Variants in RNF169 observed in about 807,000 individuals in gnomAD.
RNF169 encodes ring finger protein 169.
Under a neutral mutation model 53.9 loss-of-function variants are expected in RNF169, and 24 were observed. The observed-to-expected ratio is 0.45, with a 90% CI of 0.32 to 0.63. The LOEUF is 0.63. Ranked by LOEUF, RNF169 falls within the 20% of genes least tolerant of loss-of-function variation. The pLI, the probability that RNF169 is intolerant of heterozygous loss-of-function variation, is 0.04. For synonymous variants in RNF169, 396 were observed against 363.5 expected, an observed-to-expected ratio of 1.09 and a Z score of -1.02; for missense variants, 883 against 906.2, an observed-to-expected ratio of 0.97 and a Z score of 0.33.
intron 4 of RNF169, among the ~76,000 whole-genome samples, chr11:74,833,570 T>G (rs1287850425): frequency 1.3e-5 from 2 of 152,222 alleles, no homozygotes; most frequent in African/African-American, 4.8e-5. Context: ...TGTTGTGCCC[T>G]TTCACTGTAT....
rs368002064 is a variant in RNF169, at chr11:74,834,812, C to T, written c.942+37C>T. 5.7e-6 allele frequency: 8 copies of T among 1,412,548 alleles called. No individual in the cohort carries two copies. In the East Asian group the frequency reaches 9.1e-5, roughly 16 times the overall value. The allele number at this position is 1,412,548 out of a possible 1,614,324, so 87.5% of individuals were successfully genotyped here. A position where few individuals can be genotyped will look rare whatever the true frequency, so the allele number is the denominator to read the frequency against. ...CCACAGACCTCCGGGGCTTGTGAGG[C>T]TTGCCCCATCACCCCCTCTGCACAT... On this transcript the variant is annotated intron_variant, in intron 5 of 5. Transcript: ENST00000299563.
chr11:74,774,039 A>G (rs1406203054), intron 1 of RNF169, among the ~76,000 whole-genome samples: 1 of 152,146 alleles, frequency 6.6e-6, no homozygotes, highest in East Asian at 1.9e-4. Flanking sequence ...CCTTTGTGAA[A>G]TAATGTTAAG....
intron 1 of RNF169, among the ~76,000 whole-genome samples, chr11:74,755,217 GT>G (rs1433858702): frequency 6.6e-6 from 1 of 152,166 alleles, no homozygotes; most frequent in Admixed American, 6.5e-5. Flanking sequence ...GTGCTAAGAT[GT>G]TTTTTAAAGC....
At chr11:74,832,493 AT>A (rs1357953299) in intron 4 of RNF169, 1 of 152,084 alleles carries the variant, frequency 6.6e-6, no homozygotes, top group Non-Finnish European at 1.5e-5. Context: ...GACAAAATGG[AT>A]TTATAGCCTG....
intron 3 of RNF169, among the ~76,000 whole-genome samples, chr11:74,816,341 T>C (rs964880145): frequency 2.0e-5 from 3 of 152,230 alleles, no homozygotes; most frequent in Admixed American, 6.5e-5. Context: ...ACAGGGCTCA[T>C]TGCATAAAGC....
chr11:74,830,194 A>G (rs2036157714), intron 4 of RNF169, among the ~76,000 whole-genome samples: 1 of 152,190 alleles, frequency 6.6e-6, no homozygotes, highest in Non-Finnish European at 1.5e-5. Context: ...TACATTTAAG[A>G]TTAACAGAGA....
chr11:74,803,810 A>ATC (rs2035767159), intron 2 of RNF169, among the ~76,000 whole-genome samples: 1 of 152,262 alleles, frequency 6.6e-6, no homozygotes, highest in Non-Finnish European at 1.5e-5. Flanking sequence ...AACAATTATG[A>ATC]AGATAAATAT....
At chr11:74,749,880 G>A (rs2034859135) in intron 1 of RNF169, among the ~76,000 whole-genome samples, 1 of 152,162 alleles carries the variant, frequency 6.6e-6, no homozygotes. Context: ...AGGGGGTTGG[G>A]AGCACACTTG....
chr11:74,762,420 C>T (rs2035101112), intron 1 of RNF169, among the ~76,000 whole-genome samples: 1 of 152,070 alleles, frequency 6.6e-6, no homozygotes. Context: ...GTGTTTTTTC[C>T]CCATCTTTGT....
chr11:74,759,793 C>T (rs1042714925), intron 1 of RNF169, among the ~76,000 whole-genome samples: 64 of 150,896 alleles, frequency 4.2e-4, no homozygotes, highest in Middle Eastern at 6.9e-3. Context: ...TGTCTCTGCC[C>T]GGCTTTGGTA....
intron 1 of RNF169, among the ~76,000 whole-genome samples, chr11:74,782,031 T>C: frequency 6.6e-6 from 1 of 152,220 alleles, no homozygotes; most frequent in Admixed American, 6.5e-5. Flanking sequence ...CCTTTTATTA[T>C]ATGTGTGGCA....
At chr11:74,756,780 G>GTA (rs2034990183) in intron 1 of RNF169, among the ~76,000 whole-genome samples, 1 of 152,202 alleles carries the variant, frequency 6.6e-6, no homozygotes, top group Admixed American at 6.5e-5. Flanking sequence ...GAAATTGGCA[G>GTA]TTGCTGAATA....
chr11:74,809,291 A>C (rs544891), intron 2 of RNF169, among the ~76,000 whole-genome samples: 27,284 of 152,148 alleles, frequency 0.18, 2,706 homozygotes, highest in South Asian at 0.38. Context: ...AAAAGGAAAA[A>C]AAGTAGAAAT....
At chr11:74,811,497 A>G (rs1408596713) in intron 3 of RNF169, among the ~76,000 whole-genome samples, 2 of 152,122 alleles carry the variant, frequency 1.3e-5, no homozygotes, top group Admixed American at 6.5e-5. Context: ...GGCCTCCCAA[A>G]GTGCTGGGAT....
intron 1 of RNF169, among the ~76,000 whole-genome samples, chr11:74,787,282 C>T (rs2035516828): frequency 6.6e-6 from 1 of 152,056 alleles, no homozygotes; most frequent in Non-Finnish European, 1.5e-5. Context: ...TATTGCTAGT[C>T]ATGTAACATA....
chr11:74,789,813 C>T, intron 2 of RNF169, 114 bp downstream of exon 2: 2 of 618,640 alleles, frequency 3.2e-6, no homozygotes, highest in East Asian at 2.8e-5. Context: ...CAGAGCCTTT[C>T]TTCACACTGC....
At chr11:74,777,902 C>T (rs1462255747) in intron 1 of RNF169, among the ~76,000 whole-genome samples, 1 of 152,198 alleles carries the variant, frequency 6.6e-6, no homozygotes, top group African/African-American at 2.4e-5. Context: ...GATGGGATTA[C>T]AGGCAGGAGC....
At chr11:74,813,273 A>C (rs954264072) in intron 3 of RNF169, among the ~76,000 whole-genome samples, 1 of 152,188 alleles carries the variant, frequency 6.6e-6, no homozygotes, top group South Asian at 2.1e-4. Context: ...CTCCTGTAGT[A>C]CCCTGCACAT....
In RNF169 at chr11:74,838,413, G is replaced by A. The variant is rs766769278; in HGVS notation, c.*1683G>A. 1 of 152,196 alleles carries A rather than the reference G, an allele frequency of 6.6e-6. No individual in the cohort carries two copies. 9.4% of individuals were successfully genotyped at this position (152,196 alleles called of 1,614,324 possible). A position where few individuals can be genotyped will look rare whatever the true frequency, so the allele number is the denominator to read the frequency against. The stretch of plus-strand genomic sequence containing the variant: ...ATTTGAAGCCTCTGGGAAAGAAGGT[G>A]GCTTATCAAGTGGGTTTGTAGTAAT... On this transcript the variant is annotated 3_prime_UTR_variant, in exon 6 of 6. Coordinates refer to ENST00000299563, the MANE Select transcript of RNF169 (RefSeq NM_001098638.2).
Sources: allele counts gnomAD v4.1 joint callset (sites outside exome capture counted in the v4.1 genomes callset), GRCh38; gene constraint gnomAD v4.1.1; transcripts MANE v1.5; gene names NCBI Gene and HGNC (gene_info 2026-07-23, HGNC 2026-07-21).